AQP4: variants seen among roughly 807,000 people sequenced by gnomAD.
AQP4 encodes the protein aquaporin-4.
Under a neutral mutation model 27.8 loss-of-function variants are expected in AQP4, and 18 were observed. The observed-to-expected ratio is 0.65, with a 90% CI of 0.45 to 0.96. AQP4 has a LOEUF of 0.96. Among genes scored for constraint, AQP4 ranks in the 40% least tolerant of loss-of-function variants. The pLI, the probability that AQP4 is intolerant of heterozygous loss-of-function variation, is 0.00. For missense variants in AQP4, 412 were observed against 408.2 expected (o/e 1.01, Z -0.08); for synonymous variants, 141 against 142.9 (o/e 0.99, Z 0.10).
At chr18:26,859,140 T>G (rs2054894554) in intron 4 of AQP4, among the ~76,000 whole-genome samples, 1 of 152,252 alleles carries the variant, frequency 6.6e-6, no homozygotes, top group Admixed American at 6.5e-5. Context: ...TTCATCTACA[T>G]TTTCAAGTGC....
At chr18:26,857,014 C>T (rs192725034) in intron 4 of AQP4, among the ~76,000 whole-genome samples, 14 of 152,258 alleles carry the variant, frequency 9.2e-5, no homozygotes, top group Admixed American at 5.9e-4. Context: ...GTATCAGTTA[C>T]GTAACTTTCC....
intron 1 of AQP4, among the ~76,000 whole-genome samples, chr18:26,864,513 G>A (rs1347766341): frequency 6.6e-6 from 1 of 152,158 alleles, no homozygotes; most frequent in Non-Finnish European, 1.5e-5. Context: ...CTCTCTAGAG[G>A]AAAAGAATGT....
Position 26,855,854 on chromosome 18 carries a change from C to A in AQP4, c.*357G>T. 1 of 303,870 alleles carries A rather than the reference C, an allele frequency of 3.3e-6. No individual in the cohort carries two copies. Among genetic ancestry groups the A allele is most frequent in the Non-Finnish European group, 6.3e-6 (1 of 158,096 alleles). The allele number at this position is 303,870 out of a possible 1,614,324, so 18.8% of individuals were successfully genotyped here. ...ATAAGAATTGACTATACCAATATTC[C>A]AGTAGAGAAGGAATAAGCTGATAGA... On this transcript the variant is annotated 3_prime_UTR_variant, in exon 5 of 5. Transcript: ENST00000383168.
At chr18:26,862,717 A>T (rs1256921775) in intron 1 of AQP4, 121 bp from the exon 2 acceptor site, 1 of 1,308,544 alleles carries the variant, frequency 7.6e-7, no homozygotes, top group African/African-American at 1.5e-5. Flanking sequence ...CGTGATTTGC[A>T]CACCAAGAAA....
intron 4 of AQP4, among the ~76,000 whole-genome samples, chr18:26,857,930 G>T (rs915923693): frequency 6.6e-6 from 1 of 152,106 alleles, no homozygotes; most frequent in African/African-American, 2.4e-5. Context: ...AAGATTTTGT[G>T]CTTATCAAAT....
intron 1 of AQP4, chr18:26,865,449 G>A: frequency 1.5e-6 from 1 of 666,472 alleles, no homozygotes; most frequent in Non-Finnish European, 2.7e-6. Flanking sequence ...GAAACATATG[G>A]AGGATTTGGC....
chr18:26,861,444 AC>A (rs1568068708), intron 2 of AQP4, 149 bp from the exon 3 acceptor site: 4 of 754,890 alleles, frequency 5.3e-6, no homozygotes, highest in East Asian at 5.4e-5. Context: ...TCCTTCTCTC[AC>A]CCCCCAAAAA....
rs1325525301 is a variant in AQP4, at chr18:26,856,291, C to G, written c.892G>C (p.Val298Leu). The change falls in exon 5 of 5, where the codon GTG (valine) becomes CTG (leucine). Residue 298 changes from valine (V) to leucine (L), a missense_variant. Coordinates refer to ENST00000383168, the MANE Select transcript of AQP4 (RefSeq NM_001650.7). ...CGGTCAACGTCAATCACATGCACCA[C>G]TCCAGGTTTTAGAATCAGGTCATCC... ...ETDDLILKPG[V>L]VHVIDVDRGE... The G allele has an allele frequency of 6.2e-7, 1 of 1,614,116 alleles. No homozygotes were observed. The highest frequency in any genetic ancestry group is 8.5e-7 in the Non-Finnish European group (1 of 1,180,048).
At position 26,855,848 on chromosome 18, in the gene AQP4, A is replaced by G. The variant is rs1452923386; in HGVS notation, c.*363T>C. 6.6e-6 allele frequency: 2 copies of G among 303,756 alleles called. No homozygotes were observed. Among genetic ancestry groups the G allele is most frequent in the Non-Finnish European group, 1.3e-5 (2 of 157,892 alleles). The allele number at this position is 303,756 out of a possible 1,614,324, so 18.8% of individuals were successfully genotyped here. A position where few individuals can be genotyped will look rare whatever the true frequency, so the allele number is the denominator to read the frequency against. On this transcript the variant is annotated 3_prime_UTR_variant, in exon 5 of 5. Transcript: ENST00000383168. ...ATTCAAATAAGAATTGACTATACCA[A>G]TATTCCAGTAGAGAAGGAATAAGCT...
In AQP4 at chr18:26,861,142, G is replaced by GTCCAATTGCAACAGAAAA. The variant is rs1568068399; in HGVS notation, c.583_600dup (p.Phe195_Gly200dup). The GTCCAATTGCAACAGAAAA allele has an allele frequency of 3.1e-6, 5 of 1,614,056 alleles. No individual in the cohort carries two copies. Among genetic ancestry groups the GTCCAATTGCAACAGAAAA allele is most frequent in the Non-Finnish European group, 4.2e-6 (5 of 1,179,920 alleles). ...ACTTGGAAACTTACTGCAAATAAAT[G>GTCCAATTGCAACAGAAAA]TCCAATTGCAACAGAAAATCCAATT... is the stretch of plus-strand genomic sequence containing the variant. On this transcript the variant is annotated inframe_insertion, in exon 3 of 5. Coordinates refer to ENST00000383168, the MANE Select transcript of AQP4 (RefSeq NM_001650.7).
intron 1 of AQP4, chr18:26,862,944 A>G (rs1416595384): frequency 3.7e-6 from 1 of 272,878 alleles, no homozygotes; most frequent in Non-Finnish European, 6.9e-6. Flanking sequence ...TTTCGAGTAC[A>G]TTTTATATGC....
Position 26,862,271 on chromosome 18 carries a change from C to A in AQP4, c.358G>T (p.Ala120Ser). The A allele has an allele frequency of 6.2e-7, 1 of 1,614,146 alleles. No individual in the cohort carries two copies. Among genetic ancestry groups the A allele is most frequent in the Non-Finnish European group, 8.5e-7 (1 of 1,180,046 alleles). Residue 120 changes from alanine to serine, a missense_variant, in exon 2 of 5, where the codon GCA (alanine) becomes TCA (serine). By Grantham distance (99) the Ala-to-Ser change is moderately conservative (BLOSUM62 1). Coordinates refer to ENST00000383168, the MANE Select transcript of AQP4 (RefSeq NM_001650.7). The part of the protein sequence containing the change: ...ISIAKSVFYI[A>S]AQCLGAIIGA... ...ATGATGGCCCCCAGGCACTGGGCTG[C>A]GATGTAGAAGACAGACTTGGCGATG...
Position 26,855,733 on chromosome 18 carries a change from A to G in AQP4, c.*478T>C, listed in dbSNP as rs965221254. 4 of 191,566 alleles carry G rather than the reference A, an allele frequency of 2.1e-5. No homozygotes were observed. Among genetic ancestry groups the G allele is most frequent in the Non-Finnish European group, 4.4e-5 (4 of 91,200 alleles). The allele number at this position is 191,566 out of a possible 1,614,324, so 11.9% of individuals were successfully genotyped here. On this transcript the variant is annotated 3_prime_UTR_variant, in exon 5 of 5. Transcript: ENST00000383168. The stretch of plus-strand genomic sequence containing the variant: ...AGTCTATGCATAAGGGATTGCTCAT[A>G]AAAGAACTTGTTATATTTTCTCTCT...
Position 26,855,222 on chromosome 18 carries a change from G to T in AQP4, c.*989C>A, listed in dbSNP as rs180689494. On this transcript the variant is annotated 3_prime_UTR_variant, in exon 5 of 5. Coordinates refer to ENST00000383168, the MANE Select transcript of AQP4 (RefSeq NM_001650.7). ...AAAAAGCCAGGACTCAACTAGCTAAGTTCTTGTTATCAAAAATATGTCTCA... is the reference window on the plus strand; with the variant it reads ...AAAAAGCCAGGACTCAACTAGCTAATTTCTTGTTATCAAAAATATGTCTCA... 6.6e-6 allele frequency: 1 copy of T among 152,300 alleles called. No homozygotes were observed. Among genetic ancestry groups the T allele is most frequent in the East Asian group, 1.9e-4 (1 of 5,192 alleles). The allele number at this position is 152,300 out of a possible 1,614,324, so 9.4% of individuals were successfully genotyped here.
In AQP4 at chr18:26,862,286, A is replaced by G. The variant is rs1250945568; in HGVS notation, c.343T>C (p.Ser115Pro). The G allele has an allele frequency of 1.2e-6, 2 of 1,614,210 alleles. No homozygotes were observed. Among genetic ancestry groups the G allele is most frequent in the East Asian group, 2.2e-5 (1 of 44,876 alleles). Residue 115 changes from serine to proline, a missense_variant, in exon 2 of 5, where the codon TCT becomes CCT. Transcript: ENST00000383168. ...CACTGGGCTGCGATGTAGAAGACAG[A>G]CTTGGCGATGCTGATCTTCCTGGTG... ...VCTRKISIAK[S>P]VFYIAAQCLG...
intron 1 of AQP4, 59 bp from the exon 2 acceptor site, chr18:26,862,655 T>C: frequency 6.2e-7 from 1 of 1,611,604 alleles, no homozygotes; most frequent in Non-Finnish European, 8.5e-7. Context: ...TGAATTTAGG[T>C]GAAGGGAACA....
intron 4 of AQP4, among the ~76,000 whole-genome samples, chr18:26,856,710 A>G (rs566898029): frequency 1.3e-5 from 2 of 152,340 alleles, no homozygotes; most frequent in Admixed American, 6.5e-5. Context: ...GAACTGTTTC[A>G]TCTCCTATCC....
chr18:26,865,728 C>G (rs162008), upstream of AQP4: 11 of 1,613,486 alleles, frequency 6.8e-6, no homozygotes, highest in Admixed American at 1.7e-5. Flanking sequence ...TTGCCTGCCC[C>G]GCAGCTCCCT....
In AQP4 at chr18:26,862,488, A is replaced by C. The variant is rs775791118; in HGVS notation, c.141T>G (p.Ile47Met). Reference sequence around the variant, plus strand: ...TGGATCCCAGGCTGAGGAGAACAAAAATAAGCATGGCCAGAAATTCCGCTG... The same window carrying C: ...TGGATCCCAGGCTGAGGAGAACAAACATAAGCATGGCCAGAAATTCCGCTG... ...AVTAEFLAML[I>M]FVLLSLGSTI... Residue 47 changes from isoleucine to methionine, a missense_variant, in exon 2 of 5, where the codon ATT becomes ATG. Ile to Met is a conservative substitution (Grantham distance 10). Transcript: ENST00000383168. 2 of 1,614,112 alleles carry C rather than the reference A, an allele frequency of 1.2e-6. No homozygotes were observed. The highest frequency in any genetic ancestry group is 1.3e-5 in the African/African-American group (1 of 74,934).
Sources: allele counts gnomAD v4.1 joint callset (sites outside exome capture counted in the v4.1 genomes callset), GRCh38; gene constraint gnomAD v4.1.1; transcripts MANE v1.5; gene names NCBI Gene and HGNC (gene_info 2026-07-23, HGNC 2026-07-21).